ARHGEF4: variants seen among roughly 807,000 people sequenced by gnomAD.
The protein encoded by ARHGEF4 is Rho guanine nucleotide exchange factor 4, also known as APC-stimulated guanine nucleotide exchange factor 1.
In ARHGEF4, 119 loss-of-function variants were observed where a neutral mutation model predicts 162.0. The ratio of observed to expected loss-of-function variants is 0.73; its 90% confidence interval spans 0.63 to 0.86. The LOEUF (loss-of-function observed/expected upper bound fraction) is 0.86, where lower values mean the gene tolerates loss of function less well. Ranked by LOEUF, ARHGEF4 falls within the 40% of genes least tolerant of loss-of-function variation. The probability of loss-of-function intolerance (pLI) is 0.00; values close to 1 mark genes in which losing one functional copy is unlikely to be tolerated. For missense variants in ARHGEF4, 2,488 were observed against 2,456.0 expected (o/e 1.01, Z -0.28); for synonymous variants, 1,014 against 979.9 (o/e 1.03, Z -0.65).
intron 1 of ARHGEF4, among the ~76,000 whole-genome samples, chr2:130,882,249 A>G (rs1437878171): frequency 6.6e-6 from 1 of 152,108 alleles, no homozygotes; most frequent in Non-Finnish European, 1.5e-5. Context: ...GCCCATGGCT[A>G]GGCTGGGCCC....
At chr2:131,045,832 CAGG>C (rs1003487369) in intron 13 of ARHGEF4, 6 of 1,442,930 alleles carry the variant, frequency 4.2e-6, no homozygotes, top group Non-Finnish European at 4.5e-6. Flanking sequence ...CAGGCTGCTG[CAGG>C]AGGCCAGGCC....
chr2:130,867,468 C>T (rs937597923), intron 1 of ARHGEF4, among the ~76,000 whole-genome samples: 2 of 152,032 alleles, frequency 1.3e-5, no homozygotes, highest in African/African-American at 4.8e-5. Context: ...GAACTCCTGA[C>T]CTCGTGATCT....
At chr2:130,898,492 G>A (rs1343377348) in intron 1 of ARHGEF4, among the ~76,000 whole-genome samples, 1 of 152,200 alleles carries the variant, frequency 6.6e-6, no homozygotes, top group African/African-American at 2.4e-5. Flanking sequence ...ATGAGGCAGT[G>A]AACGAGTAAA....
At chr2:130,925,526 C>A (rs530796991) in intron 2 of ARHGEF4, among the ~76,000 whole-genome samples, 1 of 151,504 alleles carries the variant, frequency 6.6e-6, no homozygotes, top group Admixed American at 6.6e-5. Flanking sequence ...GCAATAAATT[C>A]TCTCATTCTT....
At chr2:130,886,649 C>T (rs1679545136) in intron 1 of ARHGEF4, among the ~76,000 whole-genome samples, 1 of 150,680 alleles carries the variant, frequency 6.6e-6, no homozygotes, top group South Asian at 2.1e-4. Flanking sequence ...CCACTGCACT[C>T]CAGCCTGGGT....
chr2:130,915,398 TGA>T lies in ARHGEF4; in HGVS notation c.1461_1462del (p.Glu487AspfsTer18). 4.5e-6 allele frequency: 7 copies of T among 1,550,384 alleles called. No individual in the cohort carries two copies. The highest frequency in any genetic ancestry group is 1.2e-5 in the South Asian group (1 of 84,024). Reference sequence around the variant, plus strand: ...CCCAACTCGCACCAAGAGCTGCTGATGAGAGAGAGACACAGAAGCACCTCTGG... The same window carrying T: ...CCCAACTCGCACCAAGAGCTGCTGATGAGAGAGACACAGAAGCACCTCTGG... ...GTQLAPRAAD[E>X]RETQKHLWGI... is the part of the protein sequence containing the mutation. On this transcript the variant is annotated frameshift_variant, in exon 2 of 14. Transcript: ENST00000409359. LOFTEE classifies it high-confidence loss of function.
At chr2:130,896,495 A>G (rs1269385198) in intron 1 of ARHGEF4, among the ~76,000 whole-genome samples, 1 of 152,222 alleles carries the variant, frequency 6.6e-6, no homozygotes, top group Non-Finnish European at 1.5e-5. Flanking sequence ...GCAGTAGTCC[A>G]CTATGTTCCG....
intron 5 of ARHGEF4, chr2:131,035,825 C>T: frequency 1.0e-6 from 1 of 985,376 alleles, no homozygotes; most frequent in Non-Finnish European, 1.2e-6. Flanking sequence ...CTGCCCCCAC[C>T]CTGCACGTCT....
intron 1 of ARHGEF4, among the ~76,000 whole-genome samples, chr2:130,867,235 T>G (rs1365082229): frequency 6.6e-6 from 1 of 150,426 alleles, no homozygotes; most frequent in Non-Finnish European, 1.5e-5. Flanking sequence ...AATATATTAT[T>G]ATTATTATTT....
chr2:131,011,676 G>T (rs1229390248), intron 4 of ARHGEF4: 2 of 1,533,194 alleles, frequency 1.3e-6, no homozygotes, highest in South Asian at 1.2e-5. Context: ...AGCTGATGGG[G>T]GTGGGGTAGA....
chr2:130,910,660 TG>T, intron 1 of ARHGEF4, among the ~76,000 whole-genome samples: 1 of 152,204 alleles, frequency 6.6e-6, no homozygotes, highest in East Asian at 1.9e-4. Flanking sequence ...TTGTTAACAC[TG>T]CACCGACCCA....
At chr2:130,959,088 C>T (rs1385161466) in intron 4 of ARHGEF4, among the ~76,000 whole-genome samples, 1 of 151,702 alleles carries the variant, frequency 6.6e-6, no homozygotes, top group African/African-American at 2.4e-5. Flanking sequence ...ACTACAGGCG[C>T]ACCCCACCAC....
chr2:130,972,275 C>T (rs2105223759), intron 4 of ARHGEF4, among the ~76,000 whole-genome samples: 1 of 152,260 alleles, frequency 6.6e-6, no homozygotes, highest in Non-Finnish European at 1.5e-5. Context: ...ACAAATGTTT[C>T]ATTTCAGTTT....
chr2:131,037,788 C>G (rs1690416612), intron 5 of ARHGEF4, among the ~76,000 whole-genome samples: 2 of 152,174 alleles, frequency 1.3e-5, no homozygotes, highest in African/African-American at 2.4e-5. Context: ...AGGCACTCTG[C>G]TGGTTATTTG....
chr2:130,952,095 A>G (rs1346226918), intron 4 of ARHGEF4, among the ~76,000 whole-genome samples: 1 of 152,170 alleles, frequency 6.6e-6, no homozygotes, highest in Non-Finnish European at 1.5e-5. Context: ...TTATAATTAC[A>G]TCATTACCTT....
At chr2:130,872,931 T>C (rs1678585198) in intron 1 of ARHGEF4, among the ~76,000 whole-genome samples, 1 of 152,058 alleles carries the variant, frequency 6.6e-6, no homozygotes, top group Non-Finnish European at 1.5e-5. Flanking sequence ...ACCATCCACA[T>C]GCCTACCTGG....
At chr2:130,850,729 C>T (rs767089268) in intron 1 of ARHGEF4, among the ~76,000 whole-genome samples, 2 of 152,216 alleles carry the variant, frequency 1.3e-5, no homozygotes, top group African/African-American at 2.4e-5. Flanking sequence ...GGGCCTCCCT[C>T]GGTAGACAGG....
At chr2:130,897,342 G>T (rs751510830) in intron 1 of ARHGEF4, among the ~76,000 whole-genome samples, 12 of 152,212 alleles carry the variant, frequency 7.9e-5, no homozygotes, top group Non-Finnish European at 1.5e-4. Flanking sequence ...TGGATTCTGG[G>T]GTCTTGAGAG....
In ARHGEF4 at chr2:131,044,442, G is replaced by A. The variant is rs1262495851; in HGVS notation, c.5301G>A (p.Gly1767=). 3 of 1,560,602 alleles carry A rather than the reference G, an allele frequency of 1.9e-6. No individual in the cohort carries two copies. Among genetic ancestry groups the A allele is most frequent in the East Asian group, 2.4e-5 (1 of 41,560 alleles). Residue 1767 remains glycine (G), a synonymous_variant, in exon 12 of 14, where the codon GGG becomes GGA. Coordinates refer to ENST00000409359, the MANE Select transcript of ARHGEF4 (RefSeq NM_001367493.1). ...NAFRLHRGAT[G]DSHLLCTRKP... The stretch of plus-strand genomic sequence containing the variant: ...TCCGGCTGCACCGTGGCGCCACAGG[G>A]GACAGCCACCTGCTGTGCACCAGGA...
Sources: allele counts gnomAD v4.1 joint callset (sites outside exome capture counted in the v4.1 genomes callset), GRCh38; gene constraint gnomAD v4.1.1; transcripts MANE v1.5; gene names NCBI Gene and HGNC (gene_info 2026-07-23, HGNC 2026-07-21).